The following VPS37C variants were observed in gnomAD, a reference collection of about 807,000 sequenced individuals.
The protein encoded by VPS37C is VPS37C subunit of ESCRT-I.
VPS37C carries 9 observed loss-of-function variants against 16.1 expected under a neutral mutation model. The ratio of observed to expected loss-of-function variants is 0.56; its 90% CI spans 0.34 to 0.97. The LOEUF is 0.97. VPS37C is among the 50% of genes least tolerant of loss of function. The probability of loss-of-function intolerance (pLI) is 0.02; values close to 1 mark genes in which losing one functional copy is unlikely to be tolerated. For synonymous variants in VPS37C, 207 were observed against 206.4 expected (o/e 1.00, Z -0.02); for missense variants, 479 against 472.7 (o/e 1.01, Z -0.12).
intron 1 of VPS37C, among the ~76,000 whole-genome samples, chr11:61,149,579 G>A (rs1374567324): frequency 6.6e-6 from 1 of 152,160 alleles, no homozygotes; most frequent in Admixed American, 6.5e-5. Flanking sequence ...GTGCCAGGCG[G>A]CCAGCTAGGT....
rs554934185 is a variant in VPS37C at position 61,131,462 on chromosome 11, T to G, written c.*358A>C. On this transcript the variant is annotated 3_prime_UTR_variant, in exon 5 of 5. Transcript: ENST00000301765. ...GAGACCCGGGGCCTCCTCATAGAGA[T>G]AACTCTGCACTGGGTTCAAATGGCC... 2.4e-4 allele frequency: 51 copies of G among 208,366 alleles called. No individual in the cohort carries two copies. Among genetic ancestry groups the G allele is most frequent in the African/African-American group, 1.1e-3 (48 of 43,712 alleles). 12.9% of individuals were successfully genotyped at this position (208,366 alleles called of 1,614,324 possible). A position where few individuals can be genotyped will look rare whatever the true frequency, so the allele number is the denominator to read the frequency against.
intron 2 of VPS37C, among the ~76,000 whole-genome samples, chr11:61,134,992 G>T (rs1476932858): frequency 2.0e-5 from 3 of 152,234 alleles, no homozygotes; most frequent in African/African-American, 7.2e-5. Context: ...GAGGGCTGAG[G>T]AGTCAGACCT....
At chr11:61,133,374 T>G (rs372262835) in intron 3 of VPS37C, 37 bp from the exon 4 acceptor site, 3 of 1,605,182 alleles carry the variant, frequency 1.9e-6, no homozygotes, top group Non-Finnish European at 2.6e-6. Context: ...ATTTGAAAAG[T>G]GCTTCCTGAT....
At chr11:61,139,188 A>G (rs1008487578) in intron 1 of VPS37C, among the ~76,000 whole-genome samples, 7 of 152,198 alleles carry the variant, frequency 4.6e-5, no homozygotes, top group Admixed American at 4.6e-4. Flanking sequence ...ATGGAGACTA[A>G]GTTTGGCCCA....
intron 1 of VPS37C, among the ~76,000 whole-genome samples, chr11:61,160,568 T>C (rs753796790): frequency 1.3e-5 from 2 of 152,166 alleles, no homozygotes; most frequent in Non-Finnish European, 1.5e-5. Context: ...TTTCTGGAGC[T>C]GAAGACTGAC....
intron 1 of VPS37C, among the ~76,000 whole-genome samples, chr11:61,156,767 T>A: frequency 6.6e-6 from 1 of 152,242 alleles, no homozygotes; most frequent in South Asian, 2.1e-4. Flanking sequence ...TAATCATTTT[T>A]AAGTATACAG....
chr11:61,138,898 T>A, intron 1 of VPS37C, 63 bp from the exon 2 acceptor site: 1 of 1,475,340 alleles, frequency 6.8e-7, no homozygotes. Context: ...CCCCCGAGCC[T>A]GTACATATGA....
At chr11:61,150,816 G>A (rs1310623473) in intron 1 of VPS37C, among the ~76,000 whole-genome samples, 1 of 152,060 alleles carries the variant, frequency 6.6e-6, no homozygotes, top group Admixed American at 6.6e-5. Context: ...AGTGTGGGGA[G>A]TCATCAAACC....
chr11:61,137,520 C>T (rs1369035269), intron 2 of VPS37C, among the ~76,000 whole-genome samples: 1 of 152,230 alleles, frequency 6.6e-6, no homozygotes, highest in Non-Finnish European at 1.5e-5. Flanking sequence ...AGGCCTTGGG[C>T]TTCCCATGGC....
chr11:61,151,616 C>T (rs560785005), intron 1 of VPS37C, among the ~76,000 whole-genome samples: 24 of 152,330 alleles, frequency 1.6e-4, no homozygotes, highest in African/African-American at 4.8e-4. Context: ...GATCAATAAA[C>T]AGTCGCTCGT....
At chr11:61,137,061 T>G (rs964560412) in intron 2 of VPS37C, among the ~76,000 whole-genome samples, 4 of 152,172 alleles carry the variant, frequency 2.6e-5, no homozygotes, top group Non-Finnish European at 5.9e-5. Context: ...CCATTTTGAC[T>G]AACTTTCCTT....
At chr11:61,133,387 A>G (rs1861308742) in intron 3 of VPS37C, 50 bp from the exon 4 acceptor site, 3 of 1,585,200 alleles carry the variant, frequency 1.9e-6, no homozygotes, top group Admixed American at 1.7e-5. Context: ...TTCCTGATTC[A>G]GTGTTAAAGG....
intron 2 of VPS37C, among the ~76,000 whole-genome samples, chr11:61,134,844 T>C (rs1861336822): frequency 6.6e-6 from 1 of 152,048 alleles, no homozygotes; most frequent in African/African-American, 2.4e-5. Flanking sequence ...TGCAAACACT[T>C]CCCCAAGCCA....
chr11:61,139,915 A>C (rs1861445910), intron 1 of VPS37C, among the ~76,000 whole-genome samples: 2 of 151,694 alleles, frequency 1.3e-5, no homozygotes, highest in Admixed American at 1.3e-4. Flanking sequence ...GCTAATTTTT[A>C]AATTTTTTGT....
rs1703627714 is a variant in VPS37C at position 61,134,170 on chromosome 11, G to A, written c.131C>T (p.Ala44Val). Residue 44 changes from alanine (A) to valine (V), a missense_variant, in exon 3 of 5, where the codon GCC becomes GTC. Transcript: ENST00000301765. ...DLQLEREMALATNRSLAERNL... is the reference protein window; with the variant it reads ...DLQLEREMALVTNRSLAERNL... ...CCGCTCTGCCAGGCTCCGGTTGGTG[G>A]CCAGTGCCATCTCCCGTTCCAGCTG... is the stretch of plus-strand genomic sequence containing the variant. 6.2e-7 allele frequency: 1 copy of A among 1,613,974 alleles called. No individual in the cohort carries two copies.
intron 2 of VPS37C, among the ~76,000 whole-genome samples, chr11:61,134,548 A>G (rs1861332538): frequency 6.6e-6 from 1 of 152,356 alleles, no homozygotes. Context: ...GAGAAAAAGC[A>G]GAGGCTTTCC....
intron 1 of VPS37C, among the ~76,000 whole-genome samples, chr11:61,141,664 C>T (rs1055194697): frequency 3.3e-5 from 5 of 152,218 alleles, no homozygotes; most frequent in Non-Finnish European, 7.3e-5. Context: ...CACAACAGCC[C>T]CTCCCTCACA....
At chr11:61,138,249 G>C (rs1468815075) in intron 2 of VPS37C, 1 of 158,786 alleles carries the variant, frequency 6.3e-6, no homozygotes, top group African/African-American at 2.4e-5. Context: ...CTCTGCACAG[G>C]CAGGATTCTG....
At chr11:61,132,609 T>C in intron 4 of VPS37C, 70 bp from the exon 5 acceptor site, 5 of 1,514,402 alleles carry the variant, frequency 3.3e-6, no homozygotes, top group Non-Finnish European at 4.4e-6. Flanking sequence ...CCCCAGGGTC[T>C]GAGTTCAGCT....
Sources: gnomAD v4.1 joint callset for allele counts (sites outside exome capture counted in the v4.1 genomes callset) on GRCh38, gnomAD v4.1.1 for gene constraint, MANE v1.5 for transcripts, NCBI Gene and HGNC (gene_info 2026-07-23, HGNC 2026-07-21) for gene names.